BCAR1: variants seen among roughly 807,000 people sequenced by gnomAD.
The protein encoded by BCAR1 is BCAR1 scaffold protein, Cas family member, also known as breast cancer anti-estrogen resistance protein 1.
BCAR1 carries 30 observed loss-of-function variants against 67.6 expected under a neutral mutation model. The observed-to-expected ratio is 0.44, with a 90% CI of 0.33 to 0.60. The LOEUF is 0.60. Ranked by LOEUF, BCAR1 falls within the 20% of genes least tolerant of loss-of-function variation. BCAR1 has a pLI of 0.02. For synonymous variants in BCAR1, 626 were observed against 556.7 expected (o/e 1.12, Z -1.75); for missense variants, 1,313 against 1,222.3 (o/e 1.07, Z -1.11).
intron 1 of BCAR1, among the ~76,000 whole-genome samples, chr16:75,260,518 C>T (rs1265868539): frequency 1.3e-5 from 2 of 151,668 alleles, no homozygotes; most frequent in East Asian, 1.9e-4. Flanking sequence ...CCTGTAATCC[C>T]AGCTACTTGG....
intron 1 of BCAR1, among the ~76,000 whole-genome samples, chr16:75,257,072 C>G (rs2077795302): frequency 6.6e-6 from 1 of 152,286 alleles, no homozygotes; most frequent in South Asian, 2.1e-4. Context: ...GGCAAAGGGG[C>G]AAGCTCTGTC....
chr16:75,238,390 G>A, intron 2 of BCAR1: 1 of 1,087,904 alleles, frequency 9.2e-7, no homozygotes, highest in Non-Finnish European at 1.1e-6. Context: ...CTGGGACAGG[G>A]TTGACTCAGG....
chr16:75,262,626 A>G (rs143426133), intron 1 of BCAR1, among the ~76,000 whole-genome samples: 2,211 of 152,274 alleles, frequency 0.015, 27 homozygotes, highest in Non-Finnish European at 0.019. Flanking sequence ...CCTGGCTGCC[A>G]GGCCAGCTAT....
In BCAR1 at chr16:75,245,133, G is replaced by A. The variant is rs577858742; in HGVS notation, c.13-2043C>T. Reference sequence around the variant, plus strand: ...GGCGGGGGCTGTCCTGCAGCCCACCGGGCTCAGGGCCCCCATCCCAGGCGG... The same window carrying A: ...GGCGGGGGCTGTCCTGCAGCCCACCAGGCTCAGGGCCCCCATCCCAGGCGG... On this transcript the variant is annotated intron_variant, in intron 1 of 6. Coordinates refer to ENST00000162330, the MANE Select transcript of BCAR1 (RefSeq NM_014567.5). 7.2e-5 allele frequency among the ~76,000 whole-genome samples: 11 copies of A among 152,060 alleles called. No homozygotes were observed. In the South Asian group the frequency reaches 8.3e-4, roughly 12 times the overall value.
chr16:75,243,112 G>C, intron 1 of BCAR1, 22 bp from the exon 2 acceptor site: 1 of 1,563,028 alleles, frequency 6.4e-7, no homozygotes, highest in Non-Finnish European at 8.7e-7. Flanking sequence ...GGACACAGGT[G>C]TGAGAACAGA....
At chr16:75,252,214 C>G (rs1381090135), upstream of BCAR1, 7 of 1,536,628 alleles carry the variant, frequency 4.6e-6, no homozygotes, top group Non-Finnish European at 5.2e-6. Flanking sequence ...CGACCCAGCG[C>G]TTTTCACGGG....
chr16:75,265,525 G>T (rs1323050970), intron 1 of BCAR1, among the ~76,000 whole-genome samples: 1 of 151,934 alleles, frequency 6.6e-6, no homozygotes, highest in African/African-American at 2.4e-5. Flanking sequence ...TGTCCCAGGG[G>T]TTTCCCGGGG....
intron 1 of BCAR1, among the ~76,000 whole-genome samples, chr16:75,260,805 C>CA (rs1223861828): frequency 6.6e-6 from 1 of 152,128 alleles, no homozygotes; most frequent in African/African-American, 2.4e-5. Flanking sequence ...CTAAACCCAC[C>CA]ATGCTACTCT....
In BCAR1 at chr16:75,266,028, C is replaced by G. The variant is rs370640145; in HGVS notation, c.66+1887G>C. The G allele has an allele frequency of 1.4e-4, 140 of 1,029,406 alleles. 1 individual carries two copies. The highest frequency in any genetic ancestry group is 1.1e-3 in the Admixed American group (19 of 17,730). 63.8% of individuals were successfully genotyped at this position (1,029,406 alleles called of 1,614,324 possible). ...CGCATGCGCCGCCCGCGCCGCCCCC[C>G]CCACCGTCTCCGCGGCCAGGGACGC... On this transcript the variant is annotated intron_variant, in intron 1 of 6. Transcript: ENST00000393422.
chr16:75,241,201 T>G (rs1567604456), intron 2 of BCAR1, among the ~76,000 whole-genome samples: 1 of 152,200 alleles, frequency 6.6e-6, no homozygotes, highest in Non-Finnish European at 1.5e-5. Context: ...TTTGGGTGTG[T>G]GCGTGTTCAT....
In BCAR1 at chr16:75,235,342, C is replaced by A. The variant is rs61763001; in HGVS notation, c.1557G>T (p.Leu519Phe). 1.2e-6 allele frequency: 2 copies of A among 1,601,976 alleles called. No individual in the cohort carries two copies. The highest frequency in any genetic ancestry group is 2.2e-5 in the South Asian group (2 of 90,948). ...AAVQSAVHEL[L>F]EFARSAVGNA... is the part of the protein sequence containing the mutation. ...TGCCCACCGCGCTGCGGGCAAACTC[C>A]AACAGCTCGTGGACGGCACTCTGGA... Residue 519 changes from leucine (L) to phenylalanine (F), a missense_variant, in exon 5 of 7, where the codon TTG becomes TTT. Around this residue, in one of 2 missense-constraint regions of BCAR1, gnomAD observed 1,272 missense variants for 1,137.5 expected, o/e 1.12. Coordinates refer to ENST00000162330, the MANE Select transcript of BCAR1 (RefSeq NM_014567.5).
intron 5 of BCAR1, 25 bp from the exon 6 acceptor site, chr16:75,233,960 G>C (rs368527337): frequency 6.4e-7 from 1 of 1,573,846 alleles, no homozygotes; most frequent in South Asian, 1.2e-5. Context: ...CAGGGGCTGC[G>C]CTGAGGCCAG....
In BCAR1 at chr16:75,230,009, T is replaced by C. The variant is rs753203445; in HGVS notation, c.2115A>G (p.Glu705=). 8.5e-6 allele frequency: 13 copies of C among 1,535,606 alleles called. No homozygotes were observed. The highest frequency in any genetic ancestry group is 2.0e-5 in the Admixed American group (1 of 50,426). The change falls in exon 7 of 7, where the codon GAA becomes GAG. Residue 705 remains glutamate (E), a synonymous_variant. Transcript: ENST00000162330. Reference sequence around the variant, plus strand: ...GCCGTGACACCTCCTGTTCCAGTCGTTCAAACTGCTTCAGCTGGGGCAGGA... The same window carrying C: ...GCCGTGACACCTCCTGTTCCAGTCGCTCAAACTGCTTCAGCTGGGGCAGGA... ...QLELQQLKQF[E]RLEQEVSRPI... is the part of the protein sequence containing the mutation.
upstream of BCAR1, chr16:75,251,651 C>G (rs2151463287): frequency 1.0e-6 from 1 of 998,400 alleles, no homozygotes. Context: ...CCGCCACGGC[C>G]CAGCCGGCCC....
intron 1 of BCAR1, chr16:75,248,771 T>A (rs2077595369): frequency 6.5e-6 from 1 of 153,022 alleles, no homozygotes; most frequent in African/African-American, 2.4e-5. Context: ...AGGGCGTGAA[T>A]CGTCGGAGAG....
chr16:75,251,962 T>G, upstream of BCAR1: 1 of 586,748 alleles, frequency 1.7e-6, no homozygotes, highest in Non-Finnish European at 3.0e-6. Context: ...CCGGTTTGCC[T>G]TCTTCCTCCA....
intron 1 of BCAR1, chr16:75,249,697 G>T (rs2077617263): frequency 6.6e-6 from 1 of 152,332 alleles, no homozygotes; most frequent in Non-Finnish European, 1.5e-5. Context: ...TCCAGGCTCA[G>T]AAGAAAAGGG....
At chr16:75,247,738 A>C (rs902912742) in intron 1 of BCAR1, 3 of 395,244 alleles carry the variant, frequency 7.6e-6, no homozygotes, top group African/African-American at 6.1e-5. Flanking sequence ...AGAACACTGC[A>C]GGTATCACTG....
intron 1 of BCAR1, chr16:75,265,815 C>T (rs1223466507): frequency 8.4e-7 from 1 of 1,193,986 alleles, no homozygotes; most frequent in Non-Finnish European, 1.0e-6. Flanking sequence ...CCGGGCGGCG[C>T]GGTACTCACA....
Sources: allele counts gnomAD v4.1 joint callset (sites outside exome capture counted in the v4.1 genomes callset), GRCh38; gene constraint gnomAD v4.1.1; regional missense constraint gnomAD v4.1.1; transcripts MANE v1.5; gene names NCBI Gene and HGNC (gene_info 2026-07-23, HGNC 2026-07-21).